Variants in MAP1B observed in about 807,000 individuals in gnomAD.
MAP1B encodes the protein microtubule associated protein 1B.
Under a neutral mutation model 176.1 loss-of-function variants are expected in MAP1B, and 12 were observed. That is an observed-to-expected ratio of 0.07 (90% CI 0.04 to 0.11). The LOEUF (loss-of-function observed/expected upper bound fraction) is 0.11, where lower values mean the gene tolerates loss of function less well. MAP1B is among the 10% of genes least tolerant of loss of function. The probability of loss-of-function intolerance (pLI) is 1.00; values close to 1 mark genes in which losing one functional copy is unlikely to be tolerated. For synonymous variants in MAP1B, 1,044 were observed against 1,135.0 expected (o/e 0.92, Z 1.61); for missense variants, 2,523 against 2,990.5 (o/e 0.84, Z 3.65).
At chr5:72,183,941 C>A in intron 3 of MAP1B, 116 bp downstream of exon 3, 1 of 881,554 alleles carries the variant, frequency 1.1e-6, no homozygotes, top group Non-Finnish European at 1.8e-6. Flanking sequence ...GAGAGAAGTT[C>A]TGGGTTAAGA....
chr5:72,117,504 G>C (rs1745456226), intron 2 of MAP1B, among the ~76,000 whole-genome samples: 1 of 152,176 alleles, frequency 6.6e-6, no homozygotes, highest in Non-Finnish European at 1.5e-5. Context: ...ATTGCATAAT[G>C]AAAGGCTGCA....
At position 72,158,096 on chromosome 5, in the gene MAP1B, C is replaced by T. The variant is rs1040126711; in HGVS notation, c.287-25647C>T. ...GATCTCAGCTCACTGCAGGCTCCGCCCCCCGGGGTTCACGCCATTCTCCTG... is the reference window on the plus strand; with the variant it reads ...GATCTCAGCTCACTGCAGGCTCCGCTCCCCGGGGTTCACGCCATTCTCCTG... On this transcript the variant is annotated intron_variant, in intron 2 of 6. Transcript: ENST00000296755. 4.0e-5 allele frequency among the ~76,000 whole-genome samples: 6 copies of T among 151,704 alleles called. No individual in the cohort carries two copies. The South Asian group carries it at 1.3e-3, about 32-fold the overall frequency.
intron 2 of MAP1B, among the ~76,000 whole-genome samples, chr5:72,148,807 CTG>C (rs1327376931): frequency 1.3e-5 from 2 of 152,246 alleles, no homozygotes; most frequent in African/African-American, 4.8e-5. Context: ...AGCAGCCACA[CTG>C]TGGTGTGCTC....
intron 2 of MAP1B, among the ~76,000 whole-genome samples, chr5:72,118,982 T>A (rs1004830104): frequency 2.6e-5 from 4 of 152,244 alleles, no homozygotes; most frequent in African/African-American, 9.6e-5. Flanking sequence ...TATACTAGTT[T>A]ATCCCTTATA....
chr5:72,122,458 T>G (rs1302264011), intron 2 of MAP1B, among the ~76,000 whole-genome samples: 2 of 152,116 alleles, frequency 1.3e-5, no homozygotes, highest in East Asian at 1.9e-4. Context: ...TTGGTCAACT[T>G]TCAAATTTCA....
At chr5:72,108,371 T>C (rs921533845) in intron 1 of MAP1B, among the ~76,000 whole-genome samples, 11 of 150,082 alleles carry the variant, frequency 7.3e-5, no homozygotes, top group African/African-American at 2.7e-4. Context: ...GCTACCGCCC[T>C]TGGGGCCTTG....
At chr5:72,148,311 A>G (rs1746081998) in intron 2 of MAP1B, among the ~76,000 whole-genome samples, 1 of 152,204 alleles carries the variant, frequency 6.6e-6, no homozygotes, top group Non-Finnish European at 1.5e-5. Context: ...TTAGGGGAAC[A>G]GTCCCTCAGC....
intron 1 of MAP1B, among the ~76,000 whole-genome samples, chr5:72,114,054 T>A (rs1745388032): frequency 6.6e-6 from 1 of 152,222 alleles, no homozygotes; most frequent in South Asian, 2.1e-4. Context: ...CTTAAGCACG[T>A]TAACTCTTCC....
chr5:72,147,607 G>T (rs1226804986), intron 2 of MAP1B, among the ~76,000 whole-genome samples: 2 of 152,196 alleles, frequency 1.3e-5, no homozygotes, highest in African/African-American at 4.8e-5. Context: ...GCGAGGACAC[G>T]CCCCAGCTGT....
At chr5:72,182,195 C>T (rs181530011) in intron 2 of MAP1B, among the ~76,000 whole-genome samples, 3 of 152,134 alleles carry the variant, frequency 2.0e-5, no homozygotes, top group Admixed American at 2.0e-4. Flanking sequence ...ACATTTTCAT[C>T]ACTCCAAACA....
At chr5:72,133,847 T>C (rs370991614) in intron 2 of MAP1B, among the ~76,000 whole-genome samples, 2 of 152,360 alleles carry the variant, frequency 1.3e-5, no homozygotes, top group South Asian at 2.1e-4. Context: ...TATTCAGCCA[T>C]AATTGGTTCA....
chr5:72,195,387 G>C lies in MAP1B; in HGVS notation c.2032G>C (p.Glu678Gln). The stretch of plus-strand genomic sequence containing the variant: ...CAAGAAGGAGGAAAAACCAAAAAAG[G>C]AAGAGGTGAAAAAAGAAGTCAAAAA... ...PIKKEEKPKKEEVKKEVKKEI... is the reference protein window; with the variant it reads ...PIKKEEKPKKQEVKKEVKKEI... The change falls in exon 5 of 7, where the codon GAA becomes CAA. Residue 678 changes from glutamate (E) to glutamine (Q), a missense_variant. Coordinates refer to ENST00000296755, the MANE Select transcript of MAP1B (RefSeq NM_005909.5). 1.3e-6 allele frequency: 2 copies of C among 1,564,318 alleles called. No homozygotes were observed. Among genetic ancestry groups the C allele is most frequent in the Non-Finnish European group, 1.7e-6 (2 of 1,159,434 alleles).
rs537466901 is a variant in MAP1B at position 72,108,384 on chromosome 5, T to C, written c.184+669T>C. Among the ~76,000 whole-genome samples, 321 of 152,162 alleles carry C rather than the reference T, an allele frequency of 2.1e-3. 1 individual carries two copies. The highest frequency in any genetic ancestry group is 7.4e-3 in the African/African-American group (307 of 41,572). On this transcript the variant is annotated intron_variant, in intron 1 of 6. Coordinates refer to ENST00000296755, the MANE Select transcript of MAP1B (RefSeq NM_005909.5). Reference sequence around the variant, plus strand: ...TCGCTACCGCCCTTGGGGCCTTGGCTGCAGCTCTCAGAAAGGACAATGGGA... The same window carrying C: ...TCGCTACCGCCCTTGGGGCCTTGGCCGCAGCTCTCAGAAAGGACAATGGGA...
chr5:72,150,666 C>T (rs78104532), intron 2 of MAP1B, among the ~76,000 whole-genome samples: 2 of 152,170 alleles, frequency 1.3e-5, no homozygotes, highest in African/African-American at 2.4e-5. Flanking sequence ...CTCCACCCTC[C>T]GATAGGCCCC....
At chr5:72,124,720 T>G (rs2112132847) in intron 2 of MAP1B, among the ~76,000 whole-genome samples, 1 of 152,192 alleles carries the variant, frequency 6.6e-6, no homozygotes, top group East Asian at 1.9e-4. Context: ...ATAAAACAGG[T>G]TTTCAATGGG....
intron 2 of MAP1B, among the ~76,000 whole-genome samples, chr5:72,169,997 T>C (rs1746504545): frequency 6.6e-6 from 1 of 152,158 alleles, no homozygotes; most frequent in Non-Finnish European, 1.5e-5. Context: ...CAAACAACAC[T>C]CTTTATTTAA....
Position 72,163,904 on chromosome 5 carries a change from T to C in MAP1B, c.287-19839T>C, listed in dbSNP as rs181537179. Among the ~76,000 whole-genome samples, 219 of 149,416 alleles carry C rather than the reference T, an allele frequency of 1.5e-3. 3 individuals carry two copies. In the East Asian group the frequency reaches 0.034, roughly 23 times the overall value. On this transcript the variant is annotated intron_variant, in intron 2 of 6. Coordinates refer to ENST00000296755, the MANE Select transcript of MAP1B (RefSeq NM_005909.5). Reference sequence around the variant, plus strand: ...CTTTTTTCTTTTTTCTTTTCTTTCTTTCTCTCTCTCTCTTTTTTTTTTTTT... The same window carrying C: ...CTTTTTTCTTTTTTCTTTTCTTTCTCTCTCTCTCTCTCTTTTTTTTTTTTT...
intron 2 of MAP1B, among the ~76,000 whole-genome samples, chr5:72,132,878 GT>G (rs1429626654): frequency 6.6e-6 from 1 of 152,110 alleles, no homozygotes; most frequent in Non-Finnish European, 1.5e-5. Context: ...AGCTCTGTTT[GT>G]TTCCTCCTTC....
chr5:72,196,401 T>C lies in MAP1B; in HGVS notation c.3046T>C (p.Ser1016Pro), dbSNP rs1367819416. Residue 1016 changes from serine (S) to proline (P), a missense_variant, in exon 5 of 7, where the codon TCT becomes CCT. Coordinates refer to ENST00000296755, the MANE Select transcript of MAP1B (RefSeq NM_005909.5). This position sits in a 1 kb window ranked among gnomAD's most constrained non-coding sequence, Gnocchi z 5.3. ...EAIEKGEAEQ[S>P]EEEADEEDKA... ...CATTGAGAAAGGAGAGGCTGAACAA[T>C]CTGAAGAGGAGGCTGATGAGGAGGA... is the stretch of plus-strand genomic sequence containing the variant. The C allele has an allele frequency of 6.2e-7, 1 of 1,613,502 alleles. No individual in the cohort carries two copies. The highest frequency in any genetic ancestry group is 8.5e-7 in the Non-Finnish European group (1 of 1,179,946).
Sources: gnomAD v4.1 joint callset for allele counts (sites outside exome capture counted in the v4.1 genomes callset) on GRCh38, gnomAD v4.1.1 for gene constraint, Gnocchi (gnomAD v3.1) non-coding constraint, MANE v1.5 for transcripts, NCBI Gene and HGNC (gene_info 2026-07-23, HGNC 2026-07-21) for gene names.